Variants in WDR35 observed in about 807,000 individuals in gnomAD.
WDR35 encodes WD repeat domain 35, also known as WD repeat-containing protein 35.
WDR35 carries 118 observed loss-of-function variants against 158.3 expected under a neutral mutation model. The ratio of observed to expected loss-of-function variants is 0.75; its 90% CI spans 0.64 to 0.87. The LOEUF (loss-of-function observed/expected upper bound fraction) is 0.87, where lower values mean the gene tolerates loss of function less well. Ranked by LOEUF, WDR35 falls within the 40% of genes least tolerant of loss-of-function variation. WDR35 has a pLI of 0.00. For synonymous variants in WDR35, 448 were observed against 476.1 expected, an observed-to-expected ratio of 0.94 and a Z score of 0.77; for missense variants, 1,263 against 1,405.8, an observed-to-expected ratio of 0.90 and a Z score of 1.62.
intron 17 of WDR35, among the ~76,000 whole-genome samples, chr2:19,941,334 A>C (rs1301724236): frequency 6.6e-6 from 1 of 152,156 alleles, no homozygotes; most frequent in African/African-American, 2.4e-5. Context: ...AAAGTTACTC[A>C]AGTATCTTAG....
At chr2:19,950,940 T>C (rs1671215846) in intron 13 of WDR35, among the ~76,000 whole-genome samples, 1 of 152,232 alleles carries the variant, frequency 6.6e-6, no homozygotes, top group South Asian at 2.1e-4. Context: ...GGCACTACTT[T>C]AAATACTCTG....
chr2:19,984,486 C>A (rs1176218645), intron 2 of WDR35, among the ~76,000 whole-genome samples: 1 of 152,126 alleles, frequency 6.6e-6, no homozygotes, highest in East Asian at 1.9e-4. Flanking sequence ...TCTAAAAGCA[C>A]ATAACAGTAA....
intron 25 of WDR35, among the ~76,000 whole-genome samples, chr2:19,922,076 C>T (rs1240932250): frequency 6.6e-6 from 1 of 152,132 alleles, no homozygotes; most frequent in Non-Finnish European, 1.5e-5. Context: ...ACAACAGATG[C>T]TAGAGAGGAC....
chr2:19,921,637 C>A (rs1051803433), intron 25 of WDR35, among the ~76,000 whole-genome samples: 1 of 152,112 alleles, frequency 6.6e-6, no homozygotes, highest in African/African-American at 2.4e-5. Flanking sequence ...AGAAGAAAAC[C>A]TAGGCAATAC....
chr2:19,960,580 G>C lies in WDR35; in HGVS notation c.1229C>G (p.Pro410Arg), dbSNP rs762280026. 6.2e-6 allele frequency: 10 copies of C among 1,608,630 alleles called. No homozygotes were observed. The highest frequency in any genetic ancestry group is 1.7e-5 in the Admixed American group (1 of 59,914). Residue 410 changes from proline to arginine, a missense_variant, in exon 11 of 27, where the codon CCC becomes CGC. Coordinates refer to ENST00000281405, the MANE Select transcript of WDR35 (RefSeq NM_020779.4). ...AATATCAATGTATTTGGGATCCAAGGGTGTACCAATAGAATTACAAAGAAC... is the reference window on the plus strand; with the variant it reads ...AATATCAATGTATTTGGGATCCAAGCGTGTACCAATAGAATTACAAAGAAC... ...VLVLCNSIGT[P>R]LDPKYIDIVP... is the part of the protein sequence containing the mutation.
chr2:19,955,187 C>G (rs1380449610), intron 11 of WDR35, among the ~76,000 whole-genome samples: 2 of 152,134 alleles, frequency 1.3e-5, no homozygotes, highest in Non-Finnish European at 2.9e-5. Flanking sequence ...CTTGACCTCA[C>G]CATCTGCCCG....
chr2:19,943,326 T>C (rs892889347), intron 16 of WDR35, among the ~76,000 whole-genome samples: 1 of 152,118 alleles, frequency 6.6e-6, no homozygotes, highest in African/African-American at 2.4e-5. Context: ...AGTTATCAAG[T>C]AGAGTATTTG....
At position 19,911,895 on chromosome 2, in the gene WDR35, A is replaced by C. The variant is rs150131834; in HGVS notation, c.*1663T>G. The C allele has an allele frequency of 5.7e-4, 87 of 152,372 alleles. 1 individual carries two copies. Among genetic ancestry groups the C allele is most frequent in the African/African-American group, 2.0e-3 (83 of 41,592 alleles). The allele number at this position is 152,372 out of a possible 1,614,324, so 9.4% of individuals were successfully genotyped here. Reference sequence around the variant, plus strand: ...AATACAATAAAATTCATGACTGCTCAGCAGACTAATAGGCAAGCTATTGCT... The same window carrying C: ...AATACAATAAAATTCATGACTGCTCCGCAGACTAATAGGCAAGCTATTGCT... On this transcript the variant is annotated 3_prime_UTR_variant, in exon 27 of 27. Transcript: ENST00000281405.
intron 4 of WDR35, among the ~76,000 whole-genome samples, chr2:19,980,462 G>A (rs764371348): frequency 1.3e-5 from 2 of 151,888 alleles, no homozygotes; most frequent in African/African-American, 2.4e-5. Flanking sequence ...AGTTCATTTT[G>A]GAGATGGCCA....
chr2:19,977,982 C>T (rs898555091), intron 5 of WDR35, among the ~76,000 whole-genome samples: 2 of 152,216 alleles, frequency 1.3e-5, no homozygotes, highest in East Asian at 3.8e-4. Flanking sequence ...TTCCTGATCC[C>T]TCCAAGTCTG....
intron 2 of WDR35, among the ~76,000 whole-genome samples, chr2:19,988,007 G>T (rs569840063): frequency 2.0e-5 from 3 of 152,056 alleles, no homozygotes; most frequent in African/African-American, 7.2e-5. Context: ...CTATAAAACA[G>T]CATAAGCCAA....
At chr2:19,980,483 A>C (rs1405562612) in intron 4 of WDR35, among the ~76,000 whole-genome samples, 5 of 152,244 alleles carry the variant, frequency 3.3e-5, no homozygotes, top group African/African-American at 9.6e-5. Context: ...ACAGTCACCT[A>C]ATTCACTTTC....
At chr2:19,916,809 A>G (rs1478309101) in intron 25 of WDR35, among the ~76,000 whole-genome samples, 1 of 152,168 alleles carries the variant, frequency 6.6e-6, no homozygotes, top group Non-Finnish European at 1.5e-5. Context: ...GCTCCAACAG[A>G]CTTAAACGTC....
At position 19,913,593 on chromosome 2, in the gene WDR35, T is replaced by A; in HGVS notation, c.3478A>T (p.Ser1160Cys). 6.2e-7 allele frequency: 1 copy of A among 1,614,116 alleles called. No individual in the cohort carries two copies. Among genetic ancestry groups the A allele is most frequent in the Non-Finnish European group, 8.5e-7 (1 of 1,179,972 alleles). ...GGACTATGGCATAAGGGGCAGAAGCTGTAGTGGCTTATTTCCTGAGCAAGG... is the reference window on the plus strand; with the variant it reads ...GGACTATGGCATAAGGGGCAGAAGCAGTAGTGGCTTATTTCCTGAGCAAGG... Reference protein sequence around the residue: ...GVLAQEISHYSFCPLCHSPVG With the variant: ...GVLAQEISHYCFCPLCHSPVG The change falls in exon 27 of 27, where the codon AGC becomes TGC. Residue 1160 changes from serine to cysteine, a missense_variant. Physicochemically the swap from Ser to Cys is moderately radical, Grantham distance 112 (BLOSUM62 -1). Transcript: ENST00000281405.
intron 13 of WDR35, among the ~76,000 whole-genome samples, chr2:19,949,054 C>T (rs371545994): frequency 1.3e-5 from 2 of 152,170 alleles, no homozygotes; most frequent in Non-Finnish European, 1.5e-5. Flanking sequence ...TACAGTACTG[C>T]GCCAATGTCA....
chr2:19,946,344 T>G (rs1671051946), intron 15 of WDR35, 117 bp downstream of exon 15: 1 of 927,472 alleles, frequency 1.1e-6, no homozygotes, highest in Non-Finnish European at 1.7e-6. Context: ...CATACTGAAT[T>G]TTAAGACAAG....
intron 25 of WDR35, among the ~76,000 whole-genome samples, chr2:19,922,626 T>G (rs1670205226): frequency 1.3e-5 from 2 of 151,854 alleles, no homozygotes; most frequent in South Asian, 2.1e-4. Flanking sequence ...AGATGACGGG[T>G]TGATGGGTGC....
intron 16 of WDR35, among the ~76,000 whole-genome samples, chr2:19,943,624 A>G (rs1260671040): frequency 1.3e-5 from 2 of 152,074 alleles, no homozygotes; most frequent in Non-Finnish European, 2.9e-5. Context: ...AAAGAAGCAA[A>G]TGTACAAAAA....
rs1442891118 is a variant in WDR35 at position 19,936,364 on chromosome 2, C to T, written c.2269G>A (p.Asp757Asn). The change falls in exon 20 of 27, where the codon GAT becomes AAT. Residue 757 changes from aspartate to asparagine, a missense_variant and splice_region_variant. Coordinates refer to ENST00000281405, the MANE Select transcript of WDR35 (RefSeq NM_020779.4). ...ERTYLEMDRRDLAIGLRLKLG... is the reference protein window; with the variant it reads ...ERTYLEMDRRNLAIGLRLKLG... ...TTCAGCCGGAGGCCAATAGCAAGAT[C>T]CCTACAAACAAAGGCATTCATTCAT... The T allele has an allele frequency of 6.2e-7, 1 of 1,613,888 alleles. No individual in the cohort carries two copies. Among genetic ancestry groups the T allele is most frequent in the Non-Finnish European group, 8.5e-7 (1 of 1,179,860 alleles).
Sources: allele counts gnomAD v4.1 joint callset (sites outside exome capture counted in the v4.1 genomes callset), GRCh38; gene constraint gnomAD v4.1.1; transcripts MANE v1.5; gene names NCBI Gene and HGNC (gene_info 2026-07-23, HGNC 2026-07-21).